GRM7: variants seen among roughly 807,000 people sequenced by gnomAD.
The protein encoded by GRM7 is glutamate metabotropic receptor 7.
In GRM7, 35 loss-of-function variants were observed where a neutral mutation model predicts 84.5. The observed-to-expected ratio is 0.41, with a 90% CI of 0.32 to 0.55. The LOEUF is 0.55. Ranked by LOEUF, GRM7 falls within the 20% of genes least tolerant of loss-of-function variation. The pLI is 0.19. For synonymous variants in GRM7, 487 were observed against 455.1 expected (o/e 1.07, Z -0.89); for missense variants, 1,003 against 1,194.6 (o/e 0.84, Z 2.36).
intron 1 of GRM7, among the ~76,000 whole-genome samples, chr3:7,079,377 T>TTAGAAGAATGATACTTCAGAAGTCCAAGA (rs1698204055): frequency 6.6e-6 from 1 of 152,154 alleles, no homozygotes; most frequent in East Asian, 1.9e-4. Context: ...ACTGTGCTCT[T>TTAGAAGAATGATACTTCAGAAGTCCAAGA]TAGAAGAATG....
intron 8 of GRM7, among the ~76,000 whole-genome samples, chr3:7,590,781 C>T (rs1374261818): frequency 6.6e-6 from 1 of 152,168 alleles, no homozygotes; most frequent in Non-Finnish European, 1.5e-5. Flanking sequence ...CCTTAACTCT[C>T]CTCTACCCCA....
intron 9 of GRM7, among the ~76,000 whole-genome samples, chr3:7,693,872 A>T (rs2075667611): frequency 6.6e-6 from 1 of 152,158 alleles, no homozygotes; most frequent in Non-Finnish European, 1.5e-5. Flanking sequence ...TGCACTAAAG[A>T]TGTCTTGAGA....
At chr3:7,084,632 T>A (rs928468277) in intron 1 of GRM7, among the ~76,000 whole-genome samples, 1 of 152,040 alleles carries the variant, frequency 6.6e-6, no homozygotes, top group African/African-American at 2.4e-5. Flanking sequence ...TCAGGTTAGT[T>A]CTAGGTGTAG....
At chr3:7,554,908 C>G (rs1693685159) in intron 7 of GRM7, among the ~76,000 whole-genome samples, 1 of 152,194 alleles carries the variant, frequency 6.6e-6, no homozygotes. Flanking sequence ...AATAGAGTCC[C>G]AAGTTGCCTC....
In GRM7 at chr3:7,426,019, A is replaced by G. The variant is rs576062198; in HGVS notation, c.1174+10856A>G. Among the ~76,000 whole-genome samples, 6 of 152,332 alleles carry G rather than the reference A, an allele frequency of 3.9e-5. No individual in the cohort carries two copies. In the East Asian group the frequency reaches 7.7e-4, roughly 20 times the overall value. ...TTACTGAGCTTTAAGAGGCACTAAA[A>G]GTATAGATTGGTGCTATTTTTAACA... On this transcript the variant is annotated intron_variant, in intron 5 of 9. Coordinates refer to ENST00000357716, the MANE Select transcript of GRM7 (RefSeq NM_000844.4).
intron 1 of GRM7, among the ~76,000 whole-genome samples, chr3:6,864,449 A>T (rs1343391906): frequency 1.3e-5 from 2 of 152,176 alleles, no homozygotes; most frequent in East Asian, 3.9e-4. Flanking sequence ...CAAAATGAGT[A>T]GAGAGAATAA....
chr3:6,901,811 T>G (rs2125004626), intron 1 of GRM7, among the ~76,000 whole-genome samples: 1 of 152,034 alleles, frequency 6.6e-6, no homozygotes, highest in South Asian at 2.1e-4. Flanking sequence ...TTAGCTTTAA[T>G]CTTTTTTGCT....
At chr3:7,140,656 T>A (rs1693917685) in intron 1 of GRM7, among the ~76,000 whole-genome samples, 1 of 152,052 alleles carries the variant, frequency 6.6e-6, no homozygotes, top group African/African-American at 2.4e-5. Context: ...CACTAAATTA[T>A]AATTTATAAT....
intron 2 of GRM7, among the ~76,000 whole-genome samples, chr3:7,273,520 C>T (rs1305266376): frequency 6.6e-6 from 1 of 152,030 alleles, no homozygotes; most frequent in African/African-American, 2.4e-5. Context: ...TTTTGCCTCA[C>T]ATAGATTGAT....
chr3:7,659,569 T>C (rs1699347386), intron 8 of GRM7, among the ~76,000 whole-genome samples: 1 of 152,176 alleles, frequency 6.6e-6, no homozygotes, highest in African/African-American at 2.4e-5. Context: ...AAAGAAAAAG[T>C]AATCACCCAT....
intron 1 of GRM7, among the ~76,000 whole-genome samples, chr3:7,144,385 A>T (rs1165193185): frequency 1.3e-5 from 2 of 152,202 alleles, no homozygotes; most frequent in Non-Finnish European, 2.9e-5. Context: ...AACTTTTAGA[A>T]CATGACTGGT....
intron 8 of GRM7, among the ~76,000 whole-genome samples, chr3:7,587,514 T>A (rs904166665): frequency 2.4e-4 from 37 of 152,148 alleles, no homozygotes; most frequent in African/African-American, 7.7e-4. Flanking sequence ...CTATAAGAGC[T>A]GACACTGGAG....
At chr3:7,174,282 TA>T (rs1695074468) in intron 2 of GRM7, among the ~76,000 whole-genome samples, 1 of 152,162 alleles carries the variant, frequency 6.6e-6, no homozygotes, top group Non-Finnish European at 1.5e-5. Context: ...TATGCTCAGA[TA>T]AAACTGGAGA....
chr3:7,291,398 G>A (rs986327029), intron 2 of GRM7, among the ~76,000 whole-genome samples: 4 of 151,868 alleles, frequency 2.6e-5, no homozygotes, highest in Admixed American at 2.6e-4. Flanking sequence ...TAAGGAGTAG[G>A]TCATCCTTTT....
chr3:7,700,514 T>C (rs1444320032), intron 9 of GRM7, among the ~76,000 whole-genome samples: 1 of 152,260 alleles, frequency 6.6e-6, no homozygotes, highest in East Asian at 1.9e-4. Context: ...TTTTTCAAGC[T>C]TGACAGTTTG....
intron 2 of GRM7, among the ~76,000 whole-genome samples, chr3:7,262,122 T>G (rs1434881348): frequency 6.6e-6 from 1 of 151,690 alleles, no homozygotes; most frequent in African/African-American, 2.4e-5. Context: ...CATTTTGACC[T>G]TAGAGAATCT....
At chr3:7,256,470 A>G (rs1206713309) in intron 2 of GRM7, among the ~76,000 whole-genome samples, 1 of 152,212 alleles carries the variant, frequency 6.6e-6, no homozygotes, top group Non-Finnish European at 1.5e-5. Flanking sequence ...GTATTAGAAA[A>G]AAGGCTGGAT....
At chr3:7,431,906 A>C (rs1244602167) in intron 5 of GRM7, among the ~76,000 whole-genome samples, 1 of 146,772 alleles carries the variant, frequency 6.8e-6, no homozygotes, top group Non-Finnish European at 1.5e-5. Context: ...ATTAAGGTTT[A>C]AATACCTAGC....
At chr3:6,993,597 A>G (rs1694725666) in intron 1 of GRM7, among the ~76,000 whole-genome samples, 2 of 152,214 alleles carry the variant, frequency 1.3e-5, no homozygotes, top group South Asian at 2.1e-4. Flanking sequence ...AAAGAAAAGC[A>G]TATTGAAACA....
Sources: allele counts gnomAD v4.1 joint callset (sites outside exome capture counted in the v4.1 genomes callset), GRCh38; gene constraint gnomAD v4.1.1; transcripts MANE v1.5; gene names NCBI Gene and HGNC (gene_info 2026-07-23, HGNC 2026-07-21).